Variants in NBEA observed in about 807,000 individuals in gnomAD.
NBEA encodes the protein neurobeachin, also known as lysosomal-trafficking regulator 2.
Under a neutral mutation model 343.4 loss-of-function variants are expected in NBEA, and 44 were observed. The observed-to-expected ratio is 0.13, with a 90% CI of 0.10 to 0.16. NBEA has a LOEUF of 0.16. NBEA is among the 10% of genes least tolerant of loss of function. The pLI is 1.00. For synonymous variants in NBEA, 1,175 were observed against 1,238.7 expected (o/e 0.95, Z 1.08); for missense variants, 2,555 against 3,631.3 (o/e 0.70, Z 7.62).
intron 10 of NBEA, among the ~76,000 whole-genome samples, chr13:35,079,491 T>C (rs538657045): frequency 5.9e-5 from 9 of 152,180 alleles, no homozygotes; most frequent in African/African-American, 9.6e-5. Context: ...AATCCAAATA[T>C]GTAAGCTTTA....
At chr13:35,504,071 T>G (rs527538912) in intron 41 of NBEA, among the ~76,000 whole-genome samples, 1 of 152,338 alleles carries the variant, frequency 6.6e-6, no homozygotes, top group South Asian at 2.1e-4. Flanking sequence ...GAAGCAATTA[T>G]GAATATTCAT....
intron 38 of NBEA, among the ~76,000 whole-genome samples, chr13:35,427,466 ATGC>A (rs1159872474): frequency 1.3e-5 from 2 of 152,128 alleles, no homozygotes; most frequent in African/African-American, 2.4e-5. Flanking sequence ...TGAACTGCAA[ATGC>A]TGCTGCCGAA....
At chr13:35,500,977 A>G (rs1033829522) in intron 41 of NBEA, among the ~76,000 whole-genome samples, 1 of 152,144 alleles carries the variant, frequency 6.6e-6, no homozygotes, top group African/African-American at 2.4e-5. Flanking sequence ...TCTAAAAAGA[A>G]GAGACAATAG....
At chr13:35,371,863 C>G (rs775031239) in intron 38 of NBEA, among the ~76,000 whole-genome samples, 1 of 152,176 alleles carries the variant, frequency 6.6e-6, no homozygotes, top group Non-Finnish European at 1.5e-5. Flanking sequence ...TATATAATTT[C>G]TTAAGCTTTA....
At chr13:35,188,566 GTTTC>G (rs2071907998) in intron 30 of NBEA, among the ~76,000 whole-genome samples, 1 of 152,052 alleles carries the variant, frequency 6.6e-6, no homozygotes, top group Non-Finnish European at 1.5e-5. Flanking sequence ...AATGACAGGA[GTTTC>G]TTTTTTTATG....
At chr13:35,316,600 T>G (rs2037742734) in intron 36 of NBEA, among the ~76,000 whole-genome samples, 1 of 152,322 alleles carries the variant, frequency 6.6e-6, no homozygotes, top group South Asian at 2.1e-4. Flanking sequence ...GTAGAATGAT[T>G]TATAATCCTT....
chr13:35,329,112 G>A (rs904359922), intron 36 of NBEA, among the ~76,000 whole-genome samples: 1 of 151,776 alleles, frequency 6.6e-6, no homozygotes, highest in African/African-American at 2.4e-5. Flanking sequence ...CTTATTAGTC[G>A]TTTGGCAAAT....
intron 1 of NBEA, among the ~76,000 whole-genome samples, chr13:35,013,391 A>C (rs1017625649): frequency 1.3e-5 from 2 of 152,206 alleles, no homozygotes; most frequent in African/African-American, 4.8e-5. Context: ...ATAAGCCCAC[A>C]GCTCAGAGAT....
chr13:35,046,766 C>CA (rs2062872409), intron 4 of NBEA, among the ~76,000 whole-genome samples: 1 of 152,114 alleles, frequency 6.6e-6, no homozygotes, highest in Non-Finnish European at 1.5e-5. Flanking sequence ...GTACTGTACT[C>CA]ACCTGTTTTT....
intron 44 of NBEA, 76 bp downstream of exon 44, chr13:35,555,178 C>A: frequency 2.7e-6 from 2 of 737,948 alleles, no homozygotes; most frequent in South Asian, 2.7e-5. Flanking sequence ...TGATATAATA[C>A]ATTTTTCTCT....
At chr13:35,635,394 G>T (rs778157153) in intron 49 of NBEA, among the ~76,000 whole-genome samples, 10 of 152,146 alleles carry the variant, frequency 6.6e-5, no homozygotes, top group Non-Finnish European at 1.5e-4. Flanking sequence ...ATTCTGAGAA[G>T]TGATTGCAAC....
intron 49 of NBEA, among the ~76,000 whole-genome samples, chr13:35,640,447 T>A (rs1414325670): frequency 6.6e-6 from 1 of 152,194 alleles, no homozygotes; most frequent in East Asian, 1.9e-4. Context: ...TATTACTTAT[T>A]TGCCTTCCAA....
intron 30 of NBEA, among the ~76,000 whole-genome samples, chr13:35,192,230 C>T (rs1330802048): frequency 6.6e-6 from 1 of 151,930 alleles, no homozygotes; most frequent in African/African-American, 2.4e-5. Context: ...GGATTAAATC[C>T]TCAAAGTACT....
intron 31 of NBEA, among the ~76,000 whole-genome samples, chr13:35,208,435 G>A (rs1219525490): frequency 6.6e-6 from 1 of 151,976 alleles, no homozygotes; most frequent in African/African-American, 2.4e-5. Flanking sequence ...TATGATCACA[G>A]TCCATTTGCC....
At chr13:35,152,831 T>C (rs2068881895) in intron 18 of NBEA, among the ~76,000 whole-genome samples, 1 of 152,098 alleles carries the variant, frequency 6.6e-6, no homozygotes, top group South Asian at 2.1e-4. Context: ...ACATTGGTTT[T>C]CATGTCCATA....
intron 27 of NBEA, among the ~76,000 whole-genome samples, chr13:35,175,948 AAAG>A (rs1312770862): frequency 6.6e-6 from 1 of 152,132 alleles, no homozygotes; most frequent in Non-Finnish European, 1.5e-5. Flanking sequence ...GAAATATAGA[AAAG>A]AAAATATTTC....
intron 38 of NBEA, among the ~76,000 whole-genome samples, chr13:35,382,586 ATGAAT>A (rs1287449320): frequency 6.6e-6 from 1 of 152,144 alleles, no homozygotes. Context: ...TAATTGTGAA[ATGAAT>A]TAATGCAAAA....
chr13:35,569,309 C>T (rs1160930967), intron 45 of NBEA, among the ~76,000 whole-genome samples: 1 of 152,100 alleles, frequency 6.6e-6, no homozygotes, highest in Admixed American at 6.5e-5. Context: ...TTGACAAAAT[C>T]TTGTCTGCAT....
intron 2 of NBEA, 44 bp from the exon 3 acceptor site, chr13:35,044,903 C>A (rs1157548020): frequency 6.9e-7 from 1 of 1,457,464 alleles, no homozygotes; most frequent in South Asian, 1.2e-5. Flanking sequence ...TGACAGATGG[C>A]AGCTCATGAC....
Sources: gnomAD v4.1 joint callset for allele counts (sites outside exome capture counted in the v4.1 genomes callset) on GRCh38, gnomAD v4.1.1 for gene constraint, MANE v1.5 for transcripts, NCBI Gene and HGNC (gene_info 2026-07-23, HGNC 2026-07-21) for gene names.